The following POF1B variants were observed in gnomAD, a reference collection of about 807,000 sequenced individuals.
The protein encoded by POF1B is protein POF1B.
In POF1B, 53 loss-of-function variants were observed where a neutral mutation model predicts 55.3. The ratio of observed to expected loss-of-function variants is 0.96; its 90% CI spans 0.77 to 1.20. The LOEUF (loss-of-function observed/expected upper bound fraction) is 1.20, where lower values mean the gene tolerates loss of function less well. Among genes scored for constraint, POF1B ranks in the 50% most tolerant of loss-of-function variants. The pLI is 0.00. For synonymous variants in POF1B, 188 were observed against 148.3 expected, an observed-to-expected ratio of 1.27 and a Z score of -1.95; for missense variants, 478 against 420.5, an observed-to-expected ratio of 1.14 and a Z score of -1.20.
intron 2 of POF1B, among the ~76,000 whole-genome samples, chrX:85,371,503 A>G (rs779398303): frequency 9.0e-6 from 1 of 111,427 alleles, no homozygotes; most frequent in African/African-American, 3.3e-5. Flanking sequence ...AGGTAACCAG[A>G]TGGAGATTAC....
At chrX:85,351,294 A>T in intron 5 of POF1B, 56 bp downstream of exon 5, 1 of 837,027 alleles carries the variant, frequency 1.2e-6, no homozygotes, top group South Asian at 2.5e-5. Context: ...GCTCTATTAA[A>T]ATACAATTCA....
rs751273018 is a variant in POF1B, at chrX:85,363,466, A to G, written c.358-3836T>C. ...TTGTATCTTTGTTCTCATTAGTTTC[A>G]AAGAACTTCTTGATTTCTGCCTTAA... On this transcript the variant is annotated intron_variant, in intron 3 of 16. Transcript: ENST00000262753. Among the ~76,000 whole-genome samples the G allele has an allele frequency of 2.7e-5, 3 of 111,718 alleles. No individual in the cohort carries two copies. In the East Asian group the frequency reaches 8.4e-4, roughly 31 times the overall value.
rs756005119 is a variant in POF1B at position 85,351,381 on chromosome X, A to G, written c.509T>C (p.Ile170Thr). The change falls in exon 5 of 17, where the codon ATA becomes ACA. Residue 170 changes from isoleucine (I) to threonine (T), a missense_variant. Coordinates refer to ENST00000262753, the MANE Select transcript of POF1B (RefSeq NM_024921.4). Reference sequence around the variant, plus strand: ...AGTATTTAGCTTCTCCACTTTTCTTATTGTTTTTTCATAAATAACATTGTT... The same window carrying G: ...AGTATTTAGCTTCTCCACTTTTCTTGTTGTTTTTTCATAAATAACATTGTT... ...PGNNVIYEKT[I>T]RKVEKLNTDQ... 1.6e-4 allele frequency: 192 copies of G among 1,194,031 alleles called. No individual in the cohort carries two copies. Among genetic ancestry groups the G allele is most frequent in the Non-Finnish European group, 2.1e-4 (187 of 884,548 alleles).
intron 4 of POF1B, among the ~76,000 whole-genome samples, chrX:85,356,881 T>A (rs1933512005): frequency 1.8e-5 from 2 of 110,997 alleles, no homozygotes; most frequent in South Asian, 7.7e-4. Flanking sequence ...ATCCCCAACA[T>A]CTACTTTACG....
At chrX:85,317,400 T>G (rs982506527) in intron 7 of POF1B, among the ~76,000 whole-genome samples, 8 of 109,880 alleles carry the variant, frequency 7.3e-5, no homozygotes, top group African/African-American at 2.6e-4. Context: ...CACCAGTGCA[T>G]AAGCATTACC....
chrX:85,296,342 A>G (rs916780602), intron 15 of POF1B, among the ~76,000 whole-genome samples: 1 of 111,748 alleles, frequency 8.9e-6, no homozygotes, highest in African/African-American at 3.3e-5. Context: ...TGTCTGTGGG[A>G]TATGTGCTTA....
Position 85,279,180 on chromosome X carries a change from C to T in POF1B, c.*241G>A, listed in dbSNP as rs958525461. 4 of 293,481 alleles carry T rather than the reference C, an allele frequency of 1.4e-5. No individual in the cohort carries two copies. Among genetic ancestry groups the T allele is most frequent in the African/African-American group, 1.1e-4 (4 of 36,622 alleles). The allele number at this position is 293,481 out of a possible 1,213,427, so 24.2% of individuals were successfully genotyped here. ...TCAAACTTTAAACAATCAGGTCCCT[C>T]TTTCAGTTAGTATGTTGTTATACTG... is the stretch of plus-strand genomic sequence containing the variant. On this transcript the variant is annotated 3_prime_UTR_variant, in exon 17 of 17. Coordinates refer to ENST00000262753, the MANE Select transcript of POF1B (RefSeq NM_024921.4).
chrX:85,346,100 A>G, intron 5 of POF1B, 58 bp from the exon 6 acceptor site: 1 of 834,637 alleles, frequency 1.2e-6, no homozygotes, highest in Non-Finnish European at 1.6e-6. Context: ...CTAATCAAGA[A>G]AAACAACTGA....
At chrX:85,279,822 T>C (rs1281020650) in intron 16 of POF1B, among the ~76,000 whole-genome samples, 2 of 111,109 alleles carry the variant, frequency 1.8e-5, no homozygotes, top group Non-Finnish European at 3.8e-5. Context: ...TGCACATTTT[T>C]AATGGAGAGA....
At chrX:85,352,062 C>T (rs1432681676) in intron 4 of POF1B, among the ~76,000 whole-genome samples, 1 of 110,677 alleles carries the variant, frequency 9.0e-6, no homozygotes, top group East Asian at 2.9e-4. Context: ...ACATATTCAA[C>T]TAAATTGCTG....
chrX:85,287,957 T>C (rs1932092722), intron 15 of POF1B, among the ~76,000 whole-genome samples: 1 of 111,766 alleles, frequency 8.9e-6, no homozygotes, highest in South Asian at 3.7e-4. Context: ...CAATTCATCA[T>C]TGTAACAGAT....
At position 85,328,881 on chromosome X, in the gene POF1B, A is replaced by T. The variant is rs190252979; in HGVS notation, c.854+2068T>A. ...AACAAAAAAAAAAACTGTGACATGA[A>T]CCCAGGATATGAACTCTGGATCTAG... On this transcript the variant is annotated intron_variant, in intron 7 of 16. Coordinates refer to ENST00000262753, the MANE Select transcript of POF1B (RefSeq NM_024921.4). 8.4e-3 allele frequency among the ~76,000 whole-genome samples: 928 copies of T among 110,437 alleles called. 5 individuals are homozygous for T. Among genetic ancestry groups the T allele is most frequent in the Middle Eastern group, 0.019 (4 of 215 alleles).
chrX:85,338,395 T>G (rs887938155), intron 6 of POF1B, among the ~76,000 whole-genome samples: 1 of 111,794 alleles, frequency 8.9e-6, no homozygotes, highest in Non-Finnish European at 1.9e-5. Flanking sequence ...TATTCTCACT[T>G]CCTTTTGGTG....
chrX:85,296,056 C>T (rs1392885656), intron 15 of POF1B, among the ~76,000 whole-genome samples: 1 of 111,413 alleles, frequency 9.0e-6, no homozygotes, highest in African/African-American at 3.3e-5. Context: ...GAAGAGTAAC[C>T]CCTGCTCTTT....
intron 2 of POF1B, among the ~76,000 whole-genome samples, chrX:85,372,452 A>G (rs977319995): frequency 2.1e-4 from 23 of 109,222 alleles, no homozygotes; most frequent in Non-Finnish European, 1.9e-5. Flanking sequence ...TGTACACACT[A>G]AATCTGAGCT....
At chrX:85,364,995 G>A (rs1414060894) in intron 3 of POF1B, among the ~76,000 whole-genome samples, 1 of 110,969 alleles carries the variant, frequency 9.0e-6, no homozygotes, top group African/African-American at 3.3e-5. Context: ...TTATTTCAGA[G>A]AGCCAGTCTT....
At chrX:85,306,717 A>C (rs927547753) in intron 11 of POF1B, among the ~76,000 whole-genome samples, 4 of 111,516 alleles carry the variant, frequency 3.6e-5, no homozygotes, top group Non-Finnish European at 5.7e-5. Context: ...AAAGATCAGG[A>C]AGAGGGTAAT....
intron 4 of POF1B, among the ~76,000 whole-genome samples, chrX:85,354,343 C>G (rs1382480461): frequency 3.6e-5 from 4 of 110,754 alleles, no homozygotes; most frequent in African/African-American, 9.8e-5. Context: ...AGGGCAGGGA[C>G]TTTGACGATC....
At position 85,367,699 on chromosome X, in the gene POF1B, G is replaced by A; in HGVS notation, c.350C>T (p.Thr117Ile). 1 of 1,158,867 alleles carries A rather than the reference G, an allele frequency of 8.6e-7. No individual in the cohort carries two copies. The highest frequency in any genetic ancestry group is 3.0e-5 in the East Asian group (1 of 32,809). ...APSTLHITQN[T>I]EQELHSPTVK... The stretch of plus-strand genomic sequence containing the variant: ...ATTCACAACTTCTTTTACCTGTTCA[G>A]TATTTTGGGTTATATGTAGAGTACT... Residue 117 changes from threonine to isoleucine, a missense_variant, in exon 3 of 17, where the codon ACT (threonine) becomes ATT (isoleucine). Thr to Ile is a moderately conservative substitution (Grantham distance 89). Transcript: ENST00000262753.
Sources: gnomAD v4.1 joint callset for allele counts (sites outside exome capture counted in the v4.1 genomes callset) on GRCh38, gnomAD v4.1.1 for gene constraint, MANE v1.5 for transcripts, NCBI Gene and HGNC (gene_info 2026-07-23, HGNC 2026-07-21) for gene names.